PHGDH: variants seen among roughly 807,000 people sequenced by gnomAD.
PHGDH encodes D-3-phosphoglycerate dehydrogenase.
A neutral mutation model predicts 52.6 loss-of-function variants in PHGDH; 50 were observed. That is an observed-to-expected ratio of 0.95 (90% CI 0.76 to 1.20). The LOEUF is 1.20. Ranked by LOEUF, PHGDH falls within the 50% of genes most tolerant of loss-of-function variation. The pLI is 0.00. For synonymous variants in PHGDH, 271 were observed against 280.5 expected, an observed-to-expected ratio of 0.97 and a Z score of 0.34; for missense variants, 630 against 684.6, an observed-to-expected ratio of 0.92 and a Z score of 0.89.
chr1:119,722,200 C>G (rs12144094), intron 2 of PHGDH, among the ~76,000 whole-genome samples: 15,162 of 152,254 alleles, frequency 0.1, 1,012 homozygotes, highest in Non-Finnish European at 0.15. Flanking sequence ...CTCTGCACCT[C>G]TACTTGCGCC....
chr1:119,719,556 C>T (rs1651063604), intron 1 of PHGDH: 1 of 152,216 alleles, frequency 6.6e-6, no homozygotes, highest in Non-Finnish European at 1.5e-5. Flanking sequence ...GCATAAACAC[C>T]TCCAGAGGAA....
chr1:119,737,174 G>C lies in PHGDH; in HGVS notation c.853G>C (p.Gly285Arg). The stretch of plus-strand genomic sequence containing the variant: ...GAATGTCATCAGCTGTCCCCACCTG[G>C]GTGCCAGCACCAAGGAGGCTCAGAG... The part of the protein sequence containing the change: ...HENVISCPHL[G>R]ASTKEAQSRC... Residue 285 changes from glycine to arginine, a missense_variant, in exon 8 of 12, where the codon GGT becomes CGT. Physicochemically the swap from Gly to Arg is moderately radical, Grantham distance 125. Transcript: ENST00000641023. The C allele has an allele frequency of 6.2e-7, 1 of 1,614,216 alleles. No individual in the cohort carries two copies. Among genetic ancestry groups the C allele is most frequent in the Non-Finnish European group, 8.5e-7 (1 of 1,180,024 alleles).
At chr1:119,726,225 TTGGTGGTG>T (rs1651408144) in intron 3 of PHGDH, among the ~76,000 whole-genome samples, 1 of 114,274 alleles carries the variant, frequency 8.8e-6, no homozygotes, top group Non-Finnish European at 1.8e-5. Flanking sequence ...TGTGTGTGTG[TTGGTGGTG>T]GTGGGACAGG....
At chr1:119,742,194 GC>G in intron 10 of PHGDH, 1 of 450,736 alleles carries the variant, frequency 2.2e-6, no homozygotes, top group East Asian at 4.6e-5. Flanking sequence ...GCCCGACATG[GC>G]TGCCAGGCCA....
In PHGDH at chr1:119,726,927, C is replaced by T. The variant is rs192975306; in HGVS notation, c.411+22C>T. ...GAAGGTGAGCAGCGGCCTTGACTCGCCCCACCTGGGCTCAGGGCCCGGGGT... is the reference window on the plus strand; with the variant it reads ...GAAGGTGAGCAGCGGCCTTGACTCGTCCCACCTGGGCTCAGGGCCCGGGGT... On this transcript the variant is annotated intron_variant, in intron 4 of 11. Transcript: ENST00000641023. The T allele has an allele frequency of 1.9e-4, 301 of 1,612,690 alleles. 1 individual carries two copies. The African/African-American group carries it at 3.4e-3, about 18-fold the overall frequency.
At chr1:119,742,507 G>A in intron 10 of PHGDH, 1 of 545,982 alleles carries the variant, frequency 1.8e-6, no homozygotes, top group Non-Finnish European at 3.3e-6. Flanking sequence ...GGGCCAGAGT[G>A]GAGTCTCCTC....
intron 1 of PHGDH, among the ~76,000 whole-genome samples, chr1:119,717,916 G>A (rs1651001816): frequency 6.6e-6 from 1 of 152,054 alleles, no homozygotes; most frequent in South Asian, 2.1e-4. Flanking sequence ...GAGGATGGGG[G>A]ACTGATGAGG....
intron 3 of PHGDH, chr1:119,724,651 C>G: frequency 2.7e-6 from 1 of 376,010 alleles, no homozygotes; most frequent in South Asian, 2.1e-5. Context: ...CAGCTATTAC[C>G]TTCAGGGATT....
chr1:119,738,486 T>C (rs1652042898), intron 8 of PHGDH, among the ~76,000 whole-genome samples: 1 of 152,226 alleles, frequency 6.6e-6, no homozygotes, highest in African/African-American at 2.4e-5. Context: ...CTCTATGCTG[T>C]GTGGGCTCCT....
rs200683713 is a variant in PHGDH at position 119,734,629 on chromosome 1, A to G, written c.511-5A>G. On this transcript the variant is annotated splice_region_variant and splice_polypyrimidine_tract_variant and intron_variant, in intron 5 of 11. Transcript: ENST00000641023. Reference sequence around the variant, plus strand: ...ACTTCCTCCCTCTCTCTTGCTTCCAACCAGACTATAGGGTATGACCCCATC... The same window carrying G: ...ACTTCCTCCCTCTCTCTTGCTTCCAGCCAGACTATAGGGTATGACCCCATC... The G allele has an allele frequency of 2.5e-6, 4 of 1,613,792 alleles. No homozygotes were observed. Among genetic ancestry groups the G allele is most frequent in the East Asian group, 2.2e-5 (1 of 44,898 alleles).
Position 119,735,416 on chromosome 1 carries a change from C to T in PHGDH, c.765C>T (p.Ala255=), listed in dbSNP as rs138939987. 80 of 1,613,686 alleles carry T rather than the reference C, an allele frequency of 5.0e-5. No individual in the cohort carries two copies. In the East Asian group the frequency reaches 5.6e-4, roughly 11 times the overall value. Residue 255 remains alanine (A), a synonymous_variant, in exon 7 of 12, where the codon GCC becomes GCT. Coordinates refer to ENST00000641023, the MANE Select transcript of PHGDH (RefSeq NM_006623.4). ...GGGCCCTGCAGTCTGGCCAGTGTGC[C>T]GGGGCTGCACTGGACGTGTTTACGG... ...LLRALQSGQC[A]GAALDVFTEE...
rs771434889 is a variant in PHGDH, at chr1:119,740,429, A to G, written c.989A>G (p.Lys330Arg). 41 of 1,613,820 alleles carry G rather than the reference A, an allele frequency of 2.5e-5. No homozygotes were observed. Among genetic ancestry groups the G allele is most frequent in the Non-Finnish European group, 3.4e-5 (40 of 1,179,890 alleles). ...ACCAGTGCCTTCTCTCCACACACCA[A>G]GCCTTGGATTGGTCTGGCAGAAGCT... ...ALTSAFSPHTKPWIGLAEALG... is the reference protein window; with the variant it reads ...ALTSAFSPHTRPWIGLAEALG... The change falls in exon 9 of 12, where the codon AAG (lysine) becomes AGG (arginine). Residue 330 changes from lysine (K) to arginine (R), a missense_variant. By Grantham distance (26) the Lys-to-Arg change is conservative. Coordinates refer to ENST00000641023, the MANE Select transcript of PHGDH (RefSeq NM_006623.4).
At chr1:119,718,669 C>A (rs938320550) in intron 1 of PHGDH, among the ~76,000 whole-genome samples, 4 of 152,162 alleles carry the variant, frequency 2.6e-5, no homozygotes, top group Admixed American at 2.0e-4. Flanking sequence ...TGATTATACC[C>A]CTTCTCCTTG....
chr1:119,737,979 C>G (rs1400770800), intron 8 of PHGDH, among the ~76,000 whole-genome samples: 3 of 152,182 alleles, frequency 2.0e-5, no homozygotes, highest in Admixed American at 6.5e-5. Context: ...TTGCTGCCTC[C>G]TTCTGAAGTC....
At position 119,735,664 on chromosome 1, in the gene PHGDH, C is replaced by T. The variant is rs74599855; in HGVS notation, c.792+221C>T. 0.022 allele frequency among the ~76,000 whole-genome samples: 3,369 copies of T among 152,200 alleles called. 119 individuals are homozygous for T. Among genetic ancestry groups the T allele is most frequent in the African/African-American group, 0.076 (3,135 of 41,500 alleles). Reference sequence around the variant, plus strand: ...CAGCTATGTGGTTTTCTGCAAAACTCGGGCTTTAAAGGGGACCCAGTTCCT... The same window carrying T: ...CAGCTATGTGGTTTTCTGCAAAACTTGGGCTTTAAAGGGGACCCAGTTCCT... On this transcript the variant is annotated intron_variant, in intron 7 of 11. Transcript: ENST00000641023.
At position 119,743,040 on chromosome 1, in the gene PHGDH, G is replaced by A. The variant is rs751277493; in HGVS notation, c.1443G>A (p.Met481Ile). The A allele has an allele frequency of 1.3e-6, 2 of 1,599,632 alleles. No homozygotes were observed. Among genetic ancestry groups the A allele is most frequent in the Non-Finnish European group, 8.6e-7 (1 of 1,166,670 alleles). The change falls in exon 11 of 12, where the codon ATG (methionine) becomes ATA (isoleucine). Residue 481 changes from methionine to isoleucine, a missense_variant. Met to Ile is a conservative substitution (Grantham distance 10). Coordinates refer to ENST00000641023, the MANE Select transcript of PHGDH (RefSeq NM_006623.4). Reference protein sequence around the residue: ...QTSDPAMLPTMIGLLAEAGVR... With the variant: ...QTSDPAMLPTIIGLLAEAGVR... The stretch of plus-strand genomic sequence containing the variant: ...CTGACCCTGCAATGCTGCCTACCAT[G>A]ATTGGTGAGGAGGGCCCTGTAGGGC...
intron 8 of PHGDH, among the ~76,000 whole-genome samples, chr1:119,738,569 T>G (rs769063328): frequency 9.9e-5 from 15 of 152,254 alleles, no homozygotes; most frequent in Non-Finnish European, 1.6e-4. Context: ...CAGGAGATGC[T>G]GCTCGTTTCC....
intron 7 of PHGDH, 21 bp from the exon 8 acceptor site, chr1:119,737,093 G>A (rs1651971709): frequency 3.7e-6 from 6 of 1,613,526 alleles, no homozygotes; most frequent in Non-Finnish European, 5.1e-6. Context: ...AGCCAACTTA[G>A]AGGTATCTCT....
At chr1:119,733,728 C>A (rs918619573) in intron 5 of PHGDH, among the ~76,000 whole-genome samples, 11 of 152,090 alleles carry the variant, frequency 7.2e-5, no homozygotes, top group African/African-American at 2.7e-4. Context: ...CACAGGAAAG[C>A]AAAAAGGAGA....
Sources: allele counts gnomAD v4.1 joint callset (sites outside exome capture counted in the v4.1 genomes callset), GRCh38; gene constraint gnomAD v4.1.1; transcripts MANE v1.5; gene names NCBI Gene and HGNC (gene_info 2026-07-23, HGNC 2026-07-21).